PTPRK: variants seen among roughly 807,000 people sequenced by gnomAD.
The protein encoded by PTPRK is receptor-type tyrosine-protein phosphatase kappa.
Under a neutral mutation model 178.0 loss-of-function variants are expected in PTPRK, and 75 were observed. The ratio of observed to expected loss-of-function variants is 0.42; its 90% CI spans 0.35 to 0.51. The LOEUF (loss-of-function observed/expected upper bound fraction) is 0.51, where lower values mean the gene tolerates loss of function less well. Among genes scored for constraint, PTPRK ranks in the 20% least tolerant of loss-of-function variants. PTPRK has a pLI of 0.02. For missense variants in PTPRK, 1,441 were observed against 1,797.8 expected, an observed-to-expected ratio of 0.80 and a Z score of 3.59; for synonymous variants, 637 against 620.6, an observed-to-expected ratio of 1.03 and a Z score of -0.39.
At chr6:128,155,149 T>C (rs898163609) in intron 7 of PTPRK, among the ~76,000 whole-genome samples, 4 of 151,680 alleles carry the variant, frequency 2.6e-5, no homozygotes, top group Non-Finnish European at 2.9e-5. Context: ...TATTCACACA[T>C]CTCTCAGTGC....
chr6:128,072,589 G>A (rs572755869), intron 11 of PTPRK, among the ~76,000 whole-genome samples: 6 of 151,976 alleles, frequency 3.9e-5, no homozygotes, highest in South Asian at 4.1e-4. Context: ...TTACGCTGGG[G>A]TTGATAAATT....
At chr6:128,235,440 C>T in intron 5 of PTPRK, 1 of 263,462 alleles carries the variant, frequency 3.8e-6, no homozygotes, top group Non-Finnish European at 8.3e-6. Flanking sequence ...GTTATAATTT[C>T]ACTTTTGATC....
chr6:128,003,189 G>T, intron 15 of PTPRK: 10 of 1,599,554 alleles, frequency 6.3e-6, no homozygotes, highest in Non-Finnish European at 8.5e-6. Context: ...AAAGATTTAG[G>T]GCCTCACCTA....
chr6:128,318,516 C>G (rs1828350102), intron 3 of PTPRK, among the ~76,000 whole-genome samples: 1 of 152,092 alleles, frequency 6.6e-6, no homozygotes, highest in African/African-American at 2.4e-5. Context: ...AAGGCACTTT[C>G]TGCTATACTA....
intron 3 of PTPRK, among the ~76,000 whole-genome samples, chr6:128,317,193 A>G (rs1481727167): frequency 6.6e-6 from 1 of 152,214 alleles, no homozygotes; most frequent in Non-Finnish European, 1.5e-5. Flanking sequence ...AAGACAAAAA[A>G]TGGGAAATAA....
chr6:128,487,282 C>T (rs902822363), intron 1 of PTPRK, among the ~76,000 whole-genome samples: 2 of 150,352 alleles, frequency 1.3e-5, no homozygotes, highest in African/African-American at 2.4e-5. Flanking sequence ...ACACCTTGAC[C>T]GAAAGTCCCT....
At chr6:128,359,710 C>A (rs141851044) in intron 2 of PTPRK, among the ~76,000 whole-genome samples, 28 of 151,992 alleles carry the variant, frequency 1.8e-4, no homozygotes, top group African/African-American at 6.8e-4. Flanking sequence ...TGAGATCACG[C>A]CACTGCACTC....
intron 1 of PTPRK, among the ~76,000 whole-genome samples, chr6:128,463,120 C>T (rs1340786534): frequency 2.0e-5 from 3 of 152,138 alleles, no homozygotes; most frequent in Admixed American, 6.5e-5. Flanking sequence ...CCTCAATAAA[C>T]ATATCACCAC....
At chr6:128,306,627 C>G (rs896226331) in intron 3 of PTPRK, among the ~76,000 whole-genome samples, 3 of 151,544 alleles carry the variant, frequency 2.0e-5, no homozygotes, top group African/African-American at 7.3e-5. Context: ...GACAGCATCT[C>G]TGAAAAAAAA....
chr6:128,333,739 C>T (rs1322505041), intron 2 of PTPRK, among the ~76,000 whole-genome samples: 1 of 152,138 alleles, frequency 6.6e-6, no homozygotes, highest in Non-Finnish European at 1.5e-5. Flanking sequence ...ACTTTCTTAT[C>T]ATCTGGGTGT....
intron 29 of PTPRK, among the ~76,000 whole-genome samples, chr6:127,970,482 TAAA>T (rs1173122090): frequency 6.6e-6 from 1 of 152,170 alleles, no homozygotes; most frequent in Non-Finnish European, 1.5e-5. Context: ...AAATTTATCT[TAAA>T]AAGACATTTT....
At chr6:128,274,711 A>G (rs183979408) in intron 3 of PTPRK, among the ~76,000 whole-genome samples, 1 of 152,166 alleles carries the variant, frequency 6.6e-6, no homozygotes, top group East Asian at 1.9e-4. Context: ...AAAAGTGACA[A>G]GTATGTTGTC....
intron 7 of PTPRK, among the ~76,000 whole-genome samples, chr6:128,138,699 T>A (rs2114498595): frequency 6.6e-6 from 1 of 152,234 alleles, no homozygotes; most frequent in Middle Eastern, 3.4e-3. Context: ...CAAAAACTAT[T>A]TCTATCAATC....
chr6:128,319,215 C>T (rs1489601664), intron 3 of PTPRK, among the ~76,000 whole-genome samples: 1 of 152,124 alleles, frequency 6.6e-6, no homozygotes, highest in Non-Finnish European at 1.5e-5. Flanking sequence ...AGAAACTAAA[C>T]TATCTTTTGT....
chr6:128,235,203 G>A (rs377157956), intron 5 of PTPRK, among the ~76,000 whole-genome samples: 7 of 151,628 alleles, frequency 4.6e-5, no homozygotes, highest in South Asian at 2.1e-4. Context: ...TTAAAAACAT[G>A]CAAATATTGA....
intron 5 of PTPRK, 82 bp downstream of exon 5, chr6:128,239,953 G>C (rs1461534529): frequency 9.3e-7 from 1 of 1,070,962 alleles, no homozygotes; most frequent in Non-Finnish European, 1.4e-6. Context: ...ACACTCAAAA[G>C]GATGAGACAA....
At chr6:128,163,568 T>A (rs1326755289) in intron 7 of PTPRK, among the ~76,000 whole-genome samples, 1 of 151,488 alleles carries the variant, frequency 6.6e-6, no homozygotes, top group South Asian at 2.1e-4. Flanking sequence ...AGCTTACTTC[T>A]TAGAGCTAGG....
intron 1 of PTPRK, among the ~76,000 whole-genome samples, chr6:128,486,593 C>G (rs567705222): frequency 9.2e-5 from 14 of 152,166 alleles, no homozygotes; most frequent in African/African-American, 3.1e-4. Context: ...TGCTTGAACT[C>G]AGGAGTTCAA....
intron 7 of PTPRK, among the ~76,000 whole-genome samples, chr6:128,172,470 C>T (rs1182877270): frequency 6.6e-6 from 1 of 151,866 alleles, no homozygotes. Context: ...ACAGAGGCTT[C>T]TGACTCAAGG....
Sources: allele counts gnomAD v4.1 joint callset (sites outside exome capture counted in the v4.1 genomes callset), GRCh38; gene constraint gnomAD v4.1.1; transcripts MANE v1.5; gene names NCBI Gene and HGNC (gene_info 2026-07-23, HGNC 2026-07-21).